FGGY: variants seen among roughly 807,000 people sequenced by gnomAD.
FGGY encodes FGGY carbohydrate kinase domain-containing protein.
Under a neutral mutation model 71.3 loss-of-function variants are expected in FGGY, and 72 were observed. That is an observed-to-expected ratio of 1.01 (90% CI 0.84 to 1.23). FGGY has a LOEUF of 1.23. Among genes scored for constraint, FGGY ranks in the 50% most tolerant of loss-of-function variants. The pLI is 0.00. For missense variants in FGGY, 668 were observed against 682.3 expected (o/e 0.98, Z 0.23); for synonymous variants, 251 against 250.3 (o/e 1.00, Z -0.02).
chr1:59,657,513 G>A (rs561204226), intron 11 of FGGY, among the ~76,000 whole-genome samples: 4 of 152,254 alleles, frequency 2.6e-5, no homozygotes, highest in South Asian at 2.1e-4. Context: ...CAGGACCACC[G>A]CATGCTAGCA....
intron 1 of FGGY, among the ~76,000 whole-genome samples, chr1:59,317,853 T>C (rs1229091387): frequency 6.6e-6 from 1 of 152,216 alleles, no homozygotes; most frequent in Non-Finnish European, 1.5e-5. Flanking sequence ...GTTTGACTCT[T>C]TGCTGCATGG....
At chr1:59,341,504 T>G (rs2050686850) in intron 3 of FGGY, among the ~76,000 whole-genome samples, 1 of 152,234 alleles carries the variant, frequency 6.6e-6, no homozygotes. Flanking sequence ...GACCATTTTC[T>G]GCACAGACAC....
At chr1:59,452,818 C>G (rs1440397204) in intron 5 of FGGY, among the ~76,000 whole-genome samples, 1 of 152,206 alleles carries the variant, frequency 6.6e-6, no homozygotes, top group Non-Finnish European at 1.5e-5. Flanking sequence ...ATCTTAGAAG[C>G]AACTCAGACT....
intron 14 of FGGY, among the ~76,000 whole-genome samples, chr1:59,715,129 A>T (rs1447947177): frequency 6.6e-6 from 1 of 152,208 alleles, no homozygotes; most frequent in African/African-American, 2.4e-5. Context: ...TGGGTTTGTT[A>T]AGAGTCAGGG....
intron 14 of FGGY, among the ~76,000 whole-genome samples, chr1:59,718,224 C>T (rs1391728427): frequency 1.3e-5 from 2 of 152,158 alleles, no homozygotes; most frequent in African/African-American, 4.8e-5. Context: ...TAATTCTGAT[C>T]CAGACATTCT....
chr1:59,697,782 C>T, intron 14 of FGGY: 1 of 1,015,504 alleles, frequency 9.8e-7, no homozygotes, highest in Middle Eastern at 2.5e-4. Context: ...TGCTGTGCCC[C>T]TCCACATCAC....
At chr1:59,718,804 C>T (rs1378819292) in intron 14 of FGGY, among the ~76,000 whole-genome samples, 2 of 152,180 alleles carry the variant, frequency 1.3e-5, no homozygotes, top group African/African-American at 4.8e-5. Context: ...CCTTGCCAAG[C>T]GTGGTATTGC....
intron 8 of FGGY, among the ~76,000 whole-genome samples, chr1:59,580,442 C>G (rs1207863898): frequency 6.6e-6 from 1 of 152,142 alleles, no homozygotes; most frequent in African/African-American, 2.4e-5. Flanking sequence ...TGTGCATCCT[C>G]TCAGACTCCA....
At chr1:59,524,035 G>T (rs925469168) in intron 7 of FGGY, among the ~76,000 whole-genome samples, 4 of 152,224 alleles carry the variant, frequency 2.6e-5, no homozygotes, top group African/African-American at 9.6e-5. Context: ...TCTGGACCTG[G>T]GCATCCCTAC....
At chr1:59,310,833 G>T (rs745866607) in intron 1 of FGGY, among the ~76,000 whole-genome samples, 2 of 152,194 alleles carry the variant, frequency 1.3e-5, no homozygotes, top group Non-Finnish European at 2.9e-5. Flanking sequence ...TGCTCATAAT[G>T]CTGCTAGAAC....
chr1:59,741,965 A>G lies in FGGY; in HGVS notation c.1513-15966A>G, dbSNP rs576078443. On this transcript the variant is annotated intron_variant, in intron 14 of 15. Transcript: ENST00000303721. ...AAAAAAAAAAAAAAAAAAGCCAGTCACCGTGGTGCATACATGTAGTCCCAG... is the reference window on the plus strand; with the variant it reads ...AAAAAAAAAAAAAAAAAAGCCAGTCGCCGTGGTGCATACATGTAGTCCCAG... Among the ~76,000 whole-genome samples, 123 of 147,362 alleles carry G rather than the reference A, an allele frequency of 8.3e-4. No homozygotes were observed. The South Asian group carries it at 8.8e-3, about 11-fold the overall frequency.
At chr1:59,463,683 G>GA (rs147453923) in intron 6 of FGGY, among the ~76,000 whole-genome samples, 4,914 of 131,894 alleles carry the variant, frequency 0.037, 285 homozygotes, top group African/African-American at 0.12. Flanking sequence ...CAAGCAAATG[G>GA]AAAAAAAAAA....
intron 14 of FGGY, among the ~76,000 whole-genome samples, chr1:59,739,142 G>A (rs577213967): frequency 6.6e-6 from 1 of 152,138 alleles, no homozygotes; most frequent in African/African-American, 2.4e-5. Context: ...TTGTACATTT[G>A]CCATGAGCAC....
intron 14 of FGGY, among the ~76,000 whole-genome samples, chr1:59,748,188 T>C (rs1286032511): frequency 7.2e-5 from 11 of 152,092 alleles, no homozygotes; most frequent in African/African-American, 2.7e-4. Context: ...AGCCAACGAC[T>C]CCACTTTCAT....
chr1:59,379,192 C>G (rs2059070882), intron 5 of FGGY, among the ~76,000 whole-genome samples: 1 of 150,600 alleles, frequency 6.6e-6, no homozygotes, highest in African/African-American at 2.4e-5. Context: ...CACACACACA[C>G]AGAGTCACGC....
rs116397931 is a variant in FGGY, at chr1:59,605,061, C to T, written c.904-2742C>T. 2.5e-3 allele frequency among the ~76,000 whole-genome samples: 374 copies of T among 152,240 alleles called. 6 individuals carry two copies. Among genetic ancestry groups the T allele is most frequent in the African/African-American group, 8.5e-3 (352 of 41,522 alleles). On this transcript the variant is annotated intron_variant, in intron 8 of 15. Coordinates refer to ENST00000303721, the MANE Select transcript of FGGY (RefSeq NM_018291.5). ...ACTCGTGCATTCTTTCTCTCTCATA[C>T]ACACAACACTCACACTCACCCACCT... is the stretch of plus-strand genomic sequence containing the variant.
At chr1:59,597,566 T>C (rs2096536446) in intron 8 of FGGY, among the ~76,000 whole-genome samples, 1 of 152,180 alleles carries the variant, frequency 6.6e-6, no homozygotes, top group Non-Finnish European at 1.5e-5. Context: ...CACCCTGGCT[T>C]GTATGGAGGT....
rs527366179 is a variant in FGGY at position 59,759,688 on chromosome 1, C to T, written c.1574+1696C>T. The stretch of plus-strand genomic sequence containing the variant: ...CAAGGAGACAGGAGAAGCCAGTTTC[C>T]TTCTGAGCCAACCTCATCTCATTGC... On this transcript the variant is annotated intron_variant, in intron 15 of 15. Transcript: ENST00000303721. Among the ~76,000 whole-genome samples the T allele has an allele frequency of 1.7e-4, 26 of 152,306 alleles. 1 individual carries two copies. In the South Asian group the frequency reaches 5.4e-3, roughly 32 times the overall value.
intron 10 of FGGY, among the ~76,000 whole-genome samples, chr1:59,629,675 A>G (rs893554454): frequency 2.6e-5 from 4 of 152,312 alleles, no homozygotes; most frequent in African/African-American, 9.6e-5. Flanking sequence ...TTATTTTCTT[A>G]AAGGGTTTAA....
Sources: allele counts gnomAD v4.1 joint callset (sites outside exome capture counted in the v4.1 genomes callset), GRCh38; gene constraint gnomAD v4.1.1; transcripts MANE v1.5; gene names NCBI Gene and HGNC (gene_info 2026-07-23, HGNC 2026-07-21).